The following MEF2C variants were observed in gnomAD, a reference collection of about 807,000 sequenced individuals.
MEF2C encodes myocyte-specific enhancer factor 2C.
A neutral mutation model predicts 50.5 loss-of-function variants in MEF2C; 6 were observed. That is an observed-to-expected ratio of 0.12 (90% CI 0.07 to 0.23). The LOEUF is 0.23. Among genes scored for constraint, MEF2C ranks in the 10% least tolerant of loss-of-function variants. MEF2C has a pLI of 1.00. For synonymous variants in MEF2C, 183 were observed against 228.0 expected (o/e 0.80, Z 1.78); for missense variants, 276 against 605.0 (o/e 0.46, Z 5.70).
rs879550388 is a variant in MEF2C at position 88,719,067 on chromosome 5, G to A, written c.*3537C>T. On this transcript the variant is annotated 3_prime_UTR_variant, in exon 11 of 11. Coordinates refer to ENST00000504921, the MANE Select transcript of MEF2C (RefSeq NM_002397.5). ...TTTTTTAAAGAAAGAACTACAAAGC[G>A]TTTACTCTCTGGAGAAACAAACAAC... 2.0e-5 allele frequency: 3 copies of A among 152,078 alleles called. No homozygotes were observed. The highest frequency in any genetic ancestry group is 2.1e-4 in the South Asian group (1 of 4,826). 9.4% of individuals were successfully genotyped at this position (152,078 alleles called of 1,614,324 possible). A position where few individuals can be genotyped will look rare whatever the true frequency, so the allele number is the denominator to read the frequency against.
chr5:88,895,092 A>G lies in MEF2C; in HGVS notation c.-239-7494T>C, dbSNP rs115485172. Among the ~76,000 whole-genome samples the G allele has an allele frequency of 2.9e-3, 442 of 152,298 alleles. 2 individuals carry two copies. Among genetic ancestry groups the G allele is most frequent in the Middle Eastern group, 0.024 (7 of 294 alleles). On this transcript the variant is annotated intron_variant, in intron 1 of 11. Coordinates refer to the MEF2C transcript ENST00000340208. ...TCTCAATAAATGTTAGCTATTATAT[A>G]CCATTTCACTTTCAAGAAATACCCC...
intron 2 of MEF2C, among the ~76,000 whole-genome samples, chr5:88,807,673 A>G (rs1354596637): frequency 2.0e-5 from 3 of 152,198 alleles, no homozygotes; most frequent in Non-Finnish European, 4.4e-5. Flanking sequence ...TAGGTGCTCA[A>G]TAAATATTAG....
chr5:88,782,122 T>A (rs762514117), intron 3 of MEF2C: 26 of 970,852 alleles, frequency 2.7e-5, no homozygotes, highest in Non-Finnish European at 3.2e-5. Flanking sequence ...TCTAAATTTA[T>A]AAGATTTTGA....
rs558222082 is a variant in MEF2C, at chr5:88,735,562, T to C, written c.638-3661A>G. ...TTTCATTTGATTAAAAATATTGTTT[T>C]ACATAAAAATAACAAATTTAAGCAT... On this transcript the variant is annotated intron_variant, in intron 6 of 10. Coordinates refer to ENST00000504921, the MANE Select transcript of MEF2C (RefSeq NM_002397.5). 3.2e-5 allele frequency: 31 copies of C among 973,128 alleles called. No homozygotes were observed. In the African/African-American group the frequency reaches 5.3e-4, roughly 17 times the overall value. 60.3% of individuals were successfully genotyped at this position (973,128 alleles called of 1,614,324 possible).
chr5:88,890,177 G>T (rs867451707), intron 1 of MEF2C, among the ~76,000 whole-genome samples: 3 of 152,232 alleles, frequency 2.0e-5, no homozygotes, highest in South Asian at 4.1e-4. Flanking sequence ...ACGCGTGTGC[G>T]AGTTTTGGCT....
At chr5:88,785,543 G>C (rs1054036751) in intron 3 of MEF2C, 3 of 152,164 alleles carry the variant, frequency 2.0e-5, no homozygotes, top group Non-Finnish European at 4.4e-5. Context: ...AAACTAAAAT[G>C]AGTCAGCTGC....
chr5:88,808,692 G>A (rs1244097756), intron 2 of MEF2C, among the ~76,000 whole-genome samples: 1 of 152,012 alleles, frequency 6.6e-6, no homozygotes, highest in African/African-American at 2.4e-5. Flanking sequence ...TTCTCAAAAT[G>A]TATTTTATAA....
At chr5:88,749,397 T>C in intron 5 of MEF2C, 1 of 985,054 alleles carries the variant, frequency 1.0e-6, no homozygotes, top group East Asian at 1.1e-4. Context: ...TTTCTAAGTC[T>C]AGGTTTTCCC....
At chr5:88,797,197 G>A (rs749883192) in intron 3 of MEF2C, among the ~76,000 whole-genome samples, 5 of 152,128 alleles carry the variant, frequency 3.3e-5, no homozygotes, top group African/African-American at 9.6e-5. Context: ...TTTCTGTCTC[G>A]CTGTTCTGTC....
Position 88,720,141 on chromosome 5 carries a change from T to A in MEF2C, c.*2463A>T, listed in dbSNP as rs1378943843. The A allele has an allele frequency of 6.6e-6, 1 of 152,108 alleles. No homozygotes were observed. Among genetic ancestry groups the A allele is most frequent in the Non-Finnish European group, 1.5e-5 (1 of 67,986 alleles). The allele number at this position is 152,108 out of a possible 1,614,324, so 9.4% of individuals were successfully genotyped here. Reference sequence around the variant, plus strand: ...GTTTGCATATTTTATACACATCAAGTTAGAAGGATGGGTTGTAAGGATGGG... The same window carrying A: ...GTTTGCATATTTTATACACATCAAGATAGAAGGATGGGTTGTAAGGATGGG... On this transcript the variant is annotated 3_prime_UTR_variant, in exon 11 of 11. Transcript: ENST00000504921.
intron 3 of MEF2C, among the ~76,000 whole-genome samples, chr5:88,783,349 C>T (rs1344675674): frequency 6.6e-6 from 1 of 152,132 alleles, no homozygotes; most frequent in Non-Finnish European, 1.5e-5. Flanking sequence ...AGAGAGTTGG[C>T]CGGGTGCAGT....
intron 1 of MEF2C, among the ~76,000 whole-genome samples, chr5:88,846,129 G>A (rs1030569770): frequency 4.8e-5 from 7 of 144,772 alleles, no homozygotes; most frequent in Non-Finnish European, 9.0e-5. Flanking sequence ...GTGCGGTGGC[G>A]CAATCTCAGC....
intron 1 of MEF2C, among the ~76,000 whole-genome samples, chr5:88,869,254 T>TATATATATATATATATATATATAC (rs1561418810): frequency 3.7e-4 from 18 of 48,340 alleles, no homozygotes; most frequent in South Asian, 1.8e-3. Context: ...CTAGTTTTCA[T>TATATATATATATATATATATATAC]ATATATATAT....
intron 3 of MEF2C, among the ~76,000 whole-genome samples, chr5:88,799,868 T>A (rs1228399560): frequency 2.4e-4 from 23 of 95,244 alleles, no homozygotes; most frequent in African/African-American, 6.3e-4. Flanking sequence ...TCTCTCTCTC[T>A]CTCACACACA....
At chr5:88,762,282 G>A (rs776314416) in intron 3 of MEF2C, among the ~76,000 whole-genome samples, 1 of 152,092 alleles carries the variant, frequency 6.6e-6, no homozygotes, top group African/African-American at 2.4e-5. Flanking sequence ...AGTTTTACTT[G>A]GTTTTTTAAA....
chr5:88,896,943 C>CA (rs1561498558), intron 1 of MEF2C, among the ~76,000 whole-genome samples: 1 of 98,264 alleles, frequency 1.0e-5, no homozygotes, highest in East Asian at 2.6e-4. Flanking sequence ...CTCAGTAAAG[C>CA]TACACACACA....
chr5:88,764,658 A>T (rs1442035142), intron 3 of MEF2C, among the ~76,000 whole-genome samples: 1 of 152,082 alleles, frequency 6.6e-6, no homozygotes, highest in Non-Finnish European at 1.5e-5. Flanking sequence ...AATACAAAAA[A>T]TAAGCCAGGC....
At chr5:88,735,815 G>A (rs1394891536) in intron 6 of MEF2C, 1 of 985,240 alleles carries the variant, frequency 1.0e-6, no homozygotes, top group East Asian at 1.1e-4. Flanking sequence ...TATGAGGAAG[G>A]CATTTTGCCT....
intron 3 of MEF2C, among the ~76,000 whole-genome samples, chr5:88,801,728 C>T (rs1277888818): frequency 4.6e-5 from 7 of 152,052 alleles, no homozygotes; most frequent in African/African-American, 9.7e-5. Flanking sequence ...CCTCATGATG[C>T]GCCTGCCTTG....
Sources: allele counts gnomAD v4.1 joint callset (sites outside exome capture counted in the v4.1 genomes callset), GRCh38; gene constraint gnomAD v4.1.1; transcripts MANE v1.5; gene names NCBI Gene and HGNC (gene_info 2026-07-23, HGNC 2026-07-21).